The following HAUS1 variants were observed in gnomAD, a reference collection of about 807,000 sequenced individuals.
HAUS1 encodes HAUS augmin like complex subunit 1.
In HAUS1, 25 loss-of-function variants were observed where a neutral mutation model predicts 38.6. The observed-to-expected ratio is 0.65, with a 90% CI of 0.47 to 0.91. The LOEUF (loss-of-function observed/expected upper bound fraction) is 0.91, where lower values mean the gene tolerates loss of function less well. HAUS1 is among the 40% of genes least tolerant of loss of function. The pLI is 0.00. For missense variants in HAUS1, 325 were observed against 328.4 expected (o/e 0.99, Z 0.08); for synonymous variants, 109 against 112.9 (o/e 0.97, Z 0.22).
chr18:46,108,962 T>C (rs901007640), intron 2 of HAUS1, among the ~76,000 whole-genome samples: 1 of 151,440 alleles, frequency 6.6e-6, no homozygotes, highest in African/African-American at 2.4e-5. Context: ...TCCCAGCTGC[T>C]TGGGAGGCTG....
intron 6 of HAUS1, 103 bp downstream of exon 6, chr18:46,123,467 A>C (rs1055138170): frequency 2.4e-5 from 19 of 796,322 alleles, no homozygotes; most frequent in Non-Finnish European, 3.4e-5. Flanking sequence ...TGTGGACCTG[A>C]TTTCTTTTCC....
At chr18:46,120,337 C>G (rs962915724) in intron 4 of HAUS1, among the ~76,000 whole-genome samples, 2 of 151,726 alleles carry the variant, frequency 1.3e-5, no homozygotes, top group African/African-American at 4.8e-5. Context: ...TGGGTTCAAG[C>G]AATTCTCCCG....
At chr18:46,110,340 T>TTTTTG (rs1911591529) in intron 2 of HAUS1, among the ~76,000 whole-genome samples, 1 of 121,104 alleles carries the variant, frequency 8.3e-6, no homozygotes, top group South Asian at 2.9e-4. Flanking sequence ...AAGGTTTTTT[T>TTTTTG]TTTTTTTTTT....
At chr18:46,114,063 C>A (rs35564962) in intron 2 of HAUS1, among the ~76,000 whole-genome samples, 11 of 152,152 alleles carry the variant, frequency 7.2e-5, no homozygotes, top group Non-Finnish European at 7.3e-5. Flanking sequence ...AACTGCTCTA[C>A]GAGCAATTCC....
Position 46,105,325 on chromosome 18 carries a change from A to T in HAUS1, c.162A>T (p.Val54=), listed in dbSNP as rs1568260719. ...TCCGGGACAGGGATGTCTACCTGGT[A>T]ATAGAGGACTTGAAGCAGAAAGCAA... ...NRVRDRDVYL[V]IEDLKQKASE... The change falls in exon 2 of 9, where the codon GTA becomes GTT. Residue 54 remains valine, a synonymous_variant. Transcript: ENST00000282058. 6.2e-7 allele frequency: 1 copy of T among 1,613,486 alleles called. No homozygotes were observed. Among genetic ancestry groups the T allele is most frequent in the Non-Finnish European group, 8.5e-7 (1 of 1,179,672 alleles).
At chr18:46,111,861 G>A (rs538206599) in intron 2 of HAUS1, among the ~76,000 whole-genome samples, 13 of 150,198 alleles carry the variant, frequency 8.7e-5, no homozygotes, top group Middle Eastern at 3.5e-3. Flanking sequence ...TTTCTCTGTG[G>A]CTCTCTTCAT....
chr18:46,118,326 A>G lies in HAUS1; in HGVS notation c.341+10A>G. The stretch of plus-strand genomic sequence containing the variant: ...ATACCTCGCTAGCTAGGTAATTCTT[A>G]TGACAGTTTTAATTTCCGCAATCAT... On this transcript the variant is annotated intron_variant, in intron 3 of 8. Coordinates refer to ENST00000282058, the MANE Select transcript of HAUS1 (RefSeq NM_138443.4). 1 of 1,613,028 alleles carries G rather than the reference A, an allele frequency of 6.2e-7. No homozygotes were observed. The highest frequency in any genetic ancestry group is 1.1e-5 in the South Asian group (1 of 90,952).
chr18:46,111,333 T>G (rs1032552136), intron 2 of HAUS1, among the ~76,000 whole-genome samples: 1 of 152,070 alleles, frequency 6.6e-6, no homozygotes, highest in African/African-American at 2.4e-5. Context: ...TTATTAATGT[T>G]ATTATTTTTG....
rs758032050 is a variant in HAUS1 at position 46,123,354 on chromosome 18, C to G, written c.656C>G (p.Ala219Gly). 2 of 1,607,024 alleles carry G rather than the reference C, an allele frequency of 1.2e-6. No homozygotes were observed. The highest frequency in any genetic ancestry group is 1.7e-6 in the Non-Finnish European group (2 of 1,174,954). Residue 219 changes from alanine (A) to glycine (G), a missense_variant, in exon 6 of 9, where the codon GCA becomes GGA. Physicochemically the swap from Ala to Gly is moderately conservative, Grantham distance 60 (BLOSUM62 0). Coordinates refer to ENST00000282058, the MANE Select transcript of HAUS1 (RefSeq NM_138443.4). The part of the protein sequence containing the change: ...DASLSHQSLV[A>G]LSEKLARLKQ... ...TCTCTGTCTCATCAGTCCTTAGTAG[C>G]ACTATCAGAGGTGAGCTTATTTTAA... is the stretch of plus-strand genomic sequence containing the variant.
chr18:46,123,257 C>G (rs12954742), intron 5 of HAUS1, 42 bp from the exon 6 acceptor site: 661,971 of 1,329,026 alleles, frequency 0.5, 165,821 homozygotes, highest in Middle Eastern at 0.57. Context: ...GGTCACTTTT[C>G]AAATAATTTT....
intron 2 of HAUS1, among the ~76,000 whole-genome samples, chr18:46,107,141 A>G (rs955609522): frequency 1.3e-5 from 2 of 152,144 alleles, no homozygotes; most frequent in African/African-American, 2.4e-5. Context: ...AAATCACACA[A>G]TCAAGATGCA....
chr18:46,109,216 G>C (rs1038089871), intron 2 of HAUS1, among the ~76,000 whole-genome samples: 7 of 152,130 alleles, frequency 4.6e-5, no homozygotes, highest in Non-Finnish European at 7.4e-5. Flanking sequence ...AGGAGAGAGA[G>C]ACAGAGGGCA....
rs146755160 is a variant in HAUS1, at chr18:46,119,413, C to CTTTT, written c.342-506_342-503dup. On this transcript the variant is annotated intron_variant, in intron 3 of 8. Transcript: ENST00000282058. ...AGGGATGAATCATATAATTTCTTGC[C>CTTTT]TTTTTTTTTTACAAATAATGTGTAT... Among the ~76,000 whole-genome samples the CTTTT allele has an allele frequency of 5.9e-3, 859 of 146,544 alleles. 14 individuals are homozygous for CTTTT. Among genetic ancestry groups the CTTTT allele is most frequent in the Admixed American group, 0.034 (489 of 14,584 alleles).
intron 7 of HAUS1, among the ~76,000 whole-genome samples, 185 bp from the exon 8 acceptor site, chr18:46,125,559 A>AT (rs1568267247): frequency 6.6e-6 from 1 of 151,736 alleles, no homozygotes. Context: ...AAAAAAAAAA[A>AT]AAAGAAAGAA....
rs1568267888 is a variant in HAUS1, at chr18:46,128,152, C to G, written c.*27C>G. The G allele has an allele frequency of 2.0e-6, 3 of 1,490,142 alleles. No individual in the cohort carries two copies. The highest frequency in any genetic ancestry group is 2.7e-6 in the Non-Finnish European group (3 of 1,093,032). 92.3% of individuals were successfully genotyped at this position (1,490,142 alleles called of 1,614,324 possible). On this transcript the variant is annotated 3_prime_UTR_variant, in exon 9 of 9. Transcript: ENST00000282058. ...AAAAGCCAAATAAACATCCTTTTCC[C>G]TAACAAAGTAAATTGAATAGGACTT...
intron 4 of HAUS1, among the ~76,000 whole-genome samples, 162 bp from the exon 5 acceptor site, chr18:46,122,305 T>TCCAA (rs1911964146): frequency 7.1e-6 from 1 of 140,360 alleles, no homozygotes; most frequent in East Asian, 2.0e-4. Context: ...CCTCATCTCT[T>TCCAA]AAAAAAAAAA....
chr18:46,107,605 A>G (rs185366998), intron 2 of HAUS1, among the ~76,000 whole-genome samples: 3 of 152,326 alleles, frequency 2.0e-5, no homozygotes, highest in East Asian at 3.9e-4. Context: ...AATATGTGGA[A>G]CTTTATAACA....
At chr18:46,106,208 C>T (rs1210709189) in intron 2 of HAUS1, among the ~76,000 whole-genome samples, 1 of 152,238 alleles carries the variant, frequency 6.6e-6, no homozygotes, top group Non-Finnish European at 1.5e-5. Context: ...CGGTGGCTTA[C>T]GCCTGTAATC....
chr18:46,111,890 T>C lies in HAUS1; in HGVS notation c.206-6291T>C, dbSNP rs190417104. Among the ~76,000 whole-genome samples the C allele has an allele frequency of 4.5e-3, 659 of 147,912 alleles. 6 individuals carry two copies. Among genetic ancestry groups the C allele is most frequent in the Middle Eastern group, 0.01 (3 of 294 alleles). On this transcript the variant is annotated intron_variant, in intron 2 of 8. Transcript: ENST00000282058. ...TCTTCATTTTCTTTTCTTTTCTTTT[T>C]TTTTTTTTTTTATGAGATGGAGTCT...
Sources: allele counts gnomAD v4.1 joint callset (sites outside exome capture counted in the v4.1 genomes callset), GRCh38; gene constraint gnomAD v4.1.1; transcripts MANE v1.5; gene names NCBI Gene and HGNC (gene_info 2026-07-23, HGNC 2026-07-21).